The following PBX4 variants were observed in gnomAD, a reference collection of about 807,000 sequenced individuals.
PBX4 encodes pre-B-cell leukemia transcription factor 4.
PBX4 carries 26 observed loss-of-function variants against 35.1 expected under a neutral mutation model. The observed-to-expected ratio is 0.74, with a 90% CI of 0.54 to 1.03. The LOEUF (loss-of-function observed/expected upper bound fraction) is 1.03. Among genes scored for constraint, PBX4 ranks in the 50% least tolerant of loss-of-function variants. The probability of loss-of-function intolerance (pLI) is 0.00; values close to 1 mark genes in which losing one functional copy is unlikely to be tolerated. For synonymous variants in PBX4, 199 were observed against 204.2 expected, an observed-to-expected ratio of 0.97 and a Z score of 0.22; for missense variants, 448 against 504.3, an observed-to-expected ratio of 0.89 and a Z score of 1.07.
intron 2 of PBX4, among the ~76,000 whole-genome samples, chr19:19,592,841 G>A (rs1017550993): frequency 6.6e-6 from 1 of 152,200 alleles, no homozygotes; most frequent in Admixed American, 6.6e-5. Context: ...TGGGGCCCAT[G>A]AGTGCCGGCC....
At chr19:19,564,537 G>A (rs547797471) in intron 6 of PBX4, among the ~76,000 whole-genome samples, 14 of 152,054 alleles carry the variant, frequency 9.2e-5, no homozygotes, top group African/African-American at 2.7e-4. Context: ...CAGGTGTGAG[G>A]CACTGCACCC....
At chr19:19,567,764 G>A (rs1046171167) in intron 5 of PBX4, among the ~76,000 whole-genome samples, 1 of 152,114 alleles carries the variant, frequency 6.6e-6, no homozygotes, top group African/African-American at 2.4e-5. Flanking sequence ...TGCCTACCAG[G>A]CTATAGAGTC....
chr19:19,618,418 C>G (rs996627067), intron 1 of PBX4, 93 bp downstream of exon 1: 2 of 1,202,740 alleles, frequency 1.7e-6, no homozygotes, highest in African/African-American at 3.2e-5. Context: ...CTCAAGCGCC[C>G]CTCGTCAGTC....
chr19:19,570,208 A>G lies in PBX4; in HGVS notation c.533T>C (p.Val178Ala), dbSNP rs776813089. 1 of 1,614,106 alleles carries G rather than the reference A, an allele frequency of 6.2e-7. No homozygotes were observed. The highest frequency in any genetic ancestry group is 1.1e-5 in the South Asian group (1 of 91,080). ...PVSPKEIERM[V>A]GAIHGKFSAI... The stretch of plus-strand genomic sequence containing the variant: ...GCTGAACTTGCCGTGAATGGCGCCG[A>G]CCATGCGCTCAATCTCCTTAGGGGA... The change falls in exon 4 of 8, where the codon GTC (valine) becomes GCC (alanine). Residue 178 changes from valine to alanine, a missense_variant. Transcript: ENST00000251203.
intron 2 of PBX4, among the ~76,000 whole-genome samples, chr19:19,593,363 C>CGT (rs1568391235): frequency 6.6e-6 from 1 of 152,172 alleles, no homozygotes; most frequent in East Asian, 1.9e-4. Flanking sequence ...AGAGGCGGCC[C>CGT]GTGGGTACCA....
intron 2 of PBX4, among the ~76,000 whole-genome samples, chr19:19,578,244 C>T (rs2061432673): frequency 2.0e-5 from 3 of 151,374 alleles, no homozygotes; most frequent in Admixed American, 6.6e-5. Flanking sequence ...AAAAGCAAAA[C>T]TTAAAAAGCT....
At chr19:19,564,898 G>A in intron 6 of PBX4, 35 bp downstream of exon 6, 19 of 1,613,990 alleles carry the variant, frequency 1.2e-5, no homozygotes, top group Non-Finnish European at 1.5e-5. Context: ...GTCCACATGG[G>A]TACAGATGAC....
intron 1 of PBX4, among the ~76,000 whole-genome samples, chr19:19,611,674 G>C (rs955307025): frequency 2.3e-5 from 3 of 129,302 alleles, no homozygotes; most frequent in Non-Finnish European, 4.8e-5. Context: ...GTGAGATTCT[G>C]TCTCAAAAAA....
intron 1 of PBX4, among the ~76,000 whole-genome samples, chr19:19,613,436 A>G: frequency 7.2e-6 from 1 of 139,802 alleles, no homozygotes; most frequent in Non-Finnish European, 1.5e-5. Flanking sequence ...CCAGAGCGAG[A>G]CTCTGTCTCA....
In PBX4 at chr19:19,562,964, A is replaced by G. The variant is rs2061317285; in HGVS notation, c.1032+545T>C. Among the ~76,000 whole-genome samples, 1 of 152,112 alleles carries G rather than the reference A, an allele frequency of 6.6e-6. No homozygotes were observed. The highest frequency in any genetic ancestry group is 2.1e-4 in the South Asian group (1 of 4,834). ...CATCCGTTCTCTGAACCCCTGGGAG[A>G]GAGTGGTGAGTTGGGAGGGGCACCC... On this transcript the variant is annotated intron_variant, in intron 7 of 7. Transcript: ENST00000251203. This position sits in a 1 kb window ranked among gnomAD's most constrained non-coding sequence, Gnocchi z 4.8.
In PBX4 at chr19:19,564,885, G is replaced by A. The variant is rs543701374; in HGVS notation, c.925+48C>T. On this transcript the variant is annotated intron_variant, in intron 6 of 7. Transcript: ENST00000251203. The stretch of plus-strand genomic sequence containing the variant: ...TGGCCTCCCCAGATGCAGCTCAGTG[G>A]CCGTCCACATGGGTACAGATGACTG... The A allele has an allele frequency of 1.9e-6, 3 of 1,610,466 alleles. No homozygotes were observed. The African/African-American group carries it at 4.0e-5, about 21-fold the overall frequency.
intron 1 of PBX4, among the ~76,000 whole-genome samples, chr19:19,605,153 C>T (rs2061622166): frequency 6.6e-6 from 1 of 151,360 alleles, no homozygotes; most frequent in Admixed American, 6.6e-5. Flanking sequence ...CACAGTGGCT[C>T]ACGCCTGGAA....
At chr19:19,565,135 T>G (rs761211101) in intron 5 of PBX4, 46 bp from the exon 6 acceptor site, 2 of 1,612,618 alleles carry the variant, frequency 1.2e-6, no homozygotes, top group East Asian at 4.5e-5. Context: ...CAGCGACTTC[T>G]GAGACACGAC....
intron 2 of PBX4, among the ~76,000 whole-genome samples, chr19:19,577,425 T>C (rs1434283442): frequency 6.6e-6 from 1 of 152,194 alleles, no homozygotes; most frequent in East Asian, 1.9e-4. Flanking sequence ...ACAGTGTTTG[T>C]AATCGTGGGC....
At chr19:19,564,553 A>G (rs953607184) in intron 6 of PBX4, among the ~76,000 whole-genome samples, 3 of 151,912 alleles carry the variant, frequency 2.0e-5, no homozygotes, top group African/African-American at 7.3e-5. Context: ...CACCCAGCCC[A>G]TGCCGGGCTA....
At chr19:19,583,133 C>T (rs913025023) in intron 2 of PBX4, among the ~76,000 whole-genome samples, 6 of 152,086 alleles carry the variant, frequency 3.9e-5, no homozygotes, top group Admixed American at 1.3e-4. Context: ...ACCTGACCAA[C>T]ATGGCGAAAC....
chr19:19,567,194 A>G (rs2061347951), intron 5 of PBX4, among the ~76,000 whole-genome samples: 4 of 152,154 alleles, frequency 2.6e-5, no homozygotes, highest in Non-Finnish European at 5.9e-5. Context: ...TCCTCCAGAC[A>G]ATTGTTCCTT....
intron 1 of PBX4, among the ~76,000 whole-genome samples, chr19:19,610,349 G>A (rs1420788888): frequency 4.6e-5 from 7 of 152,094 alleles, no homozygotes; most frequent in Admixed American, 1.3e-4. Context: ...GGAGGTGGAG[G>A]TTGCGGTGAG....
rs776366663 is a variant in PBX4, at chr19:19,564,928, C to A, written c.925+5G>T. The A allele has an allele frequency of 1.9e-6, 3 of 1,614,256 alleles. No individual in the cohort carries two copies. Among genetic ancestry groups the A allele is most frequent in the Non-Finnish European group, 2.5e-6 (3 of 1,180,042 alleles). On this transcript the variant is annotated splice_donor_5th_base_variant and intron_variant, in intron 6 of 7. Coordinates refer to ENST00000251203, the MANE Select transcript of PBX4 (RefSeq NM_025245.3). The stretch of plus-strand genomic sequence containing the variant: ...GATGACTGTCCCTGGGCCAGCCTCA[C>A]TCACCGGAGCTAGGTGTTGACAGGC...
Sources: allele counts gnomAD v4.1 joint callset (sites outside exome capture counted in the v4.1 genomes callset), GRCh38; gene constraint gnomAD v4.1.1; non-coding constraint Gnocchi (gnomAD v3.1); transcripts MANE v1.5; gene names NCBI Gene and HGNC (gene_info 2026-07-23, HGNC 2026-07-21).